CNTNAP5: variants seen among roughly 807,000 people sequenced by gnomAD.
CNTNAP5 encodes the protein contactin-associated protein-like 5.
In CNTNAP5, 72 loss-of-function variants were observed where a neutral mutation model predicts 150.2. That is an observed-to-expected ratio of 0.48 (90% confidence interval 0.40 to 0.58). The LOEUF (loss-of-function observed/expected upper bound fraction) is 0.58, where lower values mean the gene tolerates loss of function less well. CNTNAP5 is among the 20% of genes least tolerant of loss of function. The pLI is 0.00. For missense variants in CNTNAP5, 1,636 were observed against 1,626.2 expected (o/e 1.01, Z -0.10); for synonymous variants, 672 against 619.8 (o/e 1.08, Z -1.25).
chr2:124,682,193 TAGG>T (rs1679084259), intron 13 of CNTNAP5, among the ~76,000 whole-genome samples: 3 of 152,196 alleles, frequency 2.0e-5, no homozygotes. Context: ...CAGGAGCATG[TAGG>T]AGATTTTCAG....
intron 13 of CNTNAP5, among the ~76,000 whole-genome samples, chr2:124,648,655 CACA>C (rs1270102195): frequency 6.6e-6 from 1 of 151,944 alleles, no homozygotes; most frequent in Admixed American, 6.6e-5. Context: ...CAAAACAAAA[CACA>C]ACAACAAAAA....
intron 3 of CNTNAP5, among the ~76,000 whole-genome samples, chr2:124,398,862 G>A (rs1038869379): frequency 1.5e-4 from 23 of 152,144 alleles, no homozygotes; most frequent in Non-Finnish European, 2.4e-4. Context: ...ACTGTCTGGA[G>A]GCTATTGCAG....
intron 1 of CNTNAP5, among the ~76,000 whole-genome samples, chr2:124,040,619 C>CTGTG (rs1463056097): frequency 1.7e-5 from 1 of 59,028 alleles, no homozygotes; most frequent in African/African-American, 5.6e-5. Flanking sequence ...CTCTGTATGC[C>CTGTG]TCTGTGTGTG....
intron 5 of CNTNAP5, among the ~76,000 whole-genome samples, chr2:124,443,915 T>C (rs1219259171): frequency 6.6e-6 from 1 of 152,052 alleles, no homozygotes; most frequent in Admixed American, 6.6e-5. Context: ...TAAATTTTTG[T>C]TCAATGCCTT....
intron 3 of CNTNAP5, among the ~76,000 whole-genome samples, chr2:124,262,510 T>G (rs1687484715): frequency 6.6e-6 from 1 of 152,112 alleles, no homozygotes. Context: ...CAGAGAGAAA[T>G]ATTAGCAATT....
chr2:124,537,211 T>G (rs146424775), intron 10 of CNTNAP5, among the ~76,000 whole-genome samples: 1,662 of 152,262 alleles, frequency 0.011, 8 homozygotes, highest in Non-Finnish European at 0.019. Context: ...CTGCAACTCA[T>G]GGAGTCTATT....
At chr2:124,909,826 C>CATATATAT (rs368913883) in intron 22 of CNTNAP5, among the ~76,000 whole-genome samples, 6,865 of 74,240 alleles carry the variant, frequency 0.092, 534 homozygotes, top group Middle Eastern at 0.15. Flanking sequence ...CAATTGGTGA[C>CATATATAT]ATATATATAT....
chr2:124,642,390 A>T (rs1434582268), intron 12 of CNTNAP5, among the ~76,000 whole-genome samples: 1 of 152,178 alleles, frequency 6.6e-6, no homozygotes, highest in Non-Finnish European at 1.5e-5. Context: ...GCAGCTTCAG[A>T]AATGCCGAAA....
chr2:124,752,042 A>G (rs1393528420), intron 14 of CNTNAP5, among the ~76,000 whole-genome samples: 1 of 152,122 alleles, frequency 6.6e-6, no homozygotes, highest in Non-Finnish European at 1.5e-5. Context: ...TGATTATGTC[A>G]AAGGAGCTGC....
intron 3 of CNTNAP5, among the ~76,000 whole-genome samples, chr2:124,332,680 G>A (rs1173891534): frequency 6.6e-6 from 1 of 151,734 alleles, no homozygotes; most frequent in Non-Finnish European, 1.5e-5. Context: ...AAAACTTTAA[G>A]TAAACGTAAT....
At chr2:124,043,882 G>T (rs966460127) in intron 1 of CNTNAP5, among the ~76,000 whole-genome samples, 8 of 152,114 alleles carry the variant, frequency 5.3e-5, no homozygotes, top group African/African-American at 1.4e-4. Flanking sequence ...AGGGATAACT[G>T]GTACAATTTT....
intron 13 of CNTNAP5, among the ~76,000 whole-genome samples, chr2:124,660,619 A>G (rs955089619): frequency 2.7e-5 from 4 of 149,794 alleles, no homozygotes; most frequent in African/African-American, 7.3e-5. Flanking sequence ...ATTATTTTTT[A>G]TACCAAATCT....
chr2:124,734,733 T>C (rs1198946243), intron 13 of CNTNAP5, among the ~76,000 whole-genome samples: 3 of 152,136 alleles, frequency 2.0e-5, no homozygotes, highest in Admixed American at 2.0e-4. Flanking sequence ...ATCCTACCTT[T>C]CTTTAGATGG....
At chr2:124,419,155 A>AAAAAAAAAC (rs1692015957) in intron 4 of CNTNAP5, among the ~76,000 whole-genome samples, 2 of 144,540 alleles carry the variant, frequency 1.4e-5, no homozygotes. Context: ...AAAAAAAAAA[A>AAAAAAAAAC]AAAAAAAACA....
intron 13 of CNTNAP5, among the ~76,000 whole-genome samples, chr2:124,674,499 TTCTTTCTTTC>T (rs775802768): frequency 0.17 from 16,126 of 93,264 alleles, 1,232 homozygotes; most frequent in African/African-American, 0.26. Flanking sequence ...TCTACTTCCT[TTCTTTCTTTC>T]TCTTTCTTTC....
chr2:124,702,390 T>G (rs1475787411), intron 13 of CNTNAP5, among the ~76,000 whole-genome samples: 3 of 84,692 alleles, frequency 3.5e-5, no homozygotes, highest in Non-Finnish European at 7.2e-5. Context: ...TTTTTTTTTT[T>G]TTTTTTGCTA....
intron 2 of CNTNAP5, among the ~76,000 whole-genome samples, chr2:124,239,955 C>T (rs190223187): frequency 1.3e-5 from 2 of 152,190 alleles, no homozygotes; most frequent in East Asian, 1.9e-4. Context: ...CAAATACCTA[C>T]TTCCAGTGAT....
At position 124,648,352 on chromosome 2, in the gene CNTNAP5, C is replaced by T. The variant is rs149759735; in HGVS notation, c.2077+394C>T. Among the ~76,000 whole-genome samples the T allele has an allele frequency of 8.2e-4, 125 of 152,178 alleles. No homozygotes were observed. The East Asian group carries it at 0.022, about 27-fold the overall frequency. ...GCTTGATAAGGCACCAGGATCTCAG[C>T]ACACCCACCCGAGAGGGATGAGTTA... On this transcript the variant is annotated intron_variant, in intron 13 of 23. Coordinates refer to ENST00000682447, the MANE Select transcript of CNTNAP5 (RefSeq NM_001367498.1).
Position 124,713,219 on chromosome 2 carries a change from GTT to G in CNTNAP5, c.2078-34008_2078-34007del. ...CCTCCCTCCCTTCCTTTCTTTCTCT[GTT>G]TCTTTCTTTCTTTCTTTCTTTCTCT... On this transcript the variant is annotated intron_variant, in intron 13 of 23. Transcript: ENST00000682447. Among the ~76,000 whole-genome samples, 2 of 78,274 alleles carry G rather than the reference GTT, an allele frequency of 2.6e-5. 1 individual carries two copies. Among genetic ancestry groups the G allele is most frequent in the Non-Finnish European group, 5.9e-5 (2 of 33,962 alleles). 51.4% of individuals were successfully genotyped at this position (78,274 alleles called of 152,430 possible). A position where few individuals can be genotyped will look rare whatever the true frequency, so the allele number is the denominator to read the frequency against.
Sources: allele counts gnomAD v4.1 joint callset (sites outside exome capture counted in the v4.1 genomes callset), GRCh38; gene constraint gnomAD v4.1.1; transcripts MANE v1.5; gene names NCBI Gene and HGNC (gene_info 2026-07-23, HGNC 2026-07-21).